MEI4: variants seen among roughly 807,000 people sequenced by gnomAD.
The protein encoded by MEI4 is meiotic double-stranded break formation protein 4, also known as meiosis-specific protein MEI4.
Under a neutral mutation model 31.4 loss-of-function variants are expected in MEI4, and 27 were observed. The observed-to-expected ratio is 0.86, with a 90% CI of 0.63 to 1.19. MEI4 has a LOEUF of 1.19. Among genes scored for constraint, MEI4 ranks in the 50% most tolerant of loss-of-function variants. MEI4 has a pLI of 0.00. For missense variants in MEI4, 329 were observed against 398.9 expected, an observed-to-expected ratio of 0.82 and a Z score of 1.49; for synonymous variants, 122 against 145.4, an observed-to-expected ratio of 0.84 and a Z score of 1.16.
At chr6:77,740,548 T>C (rs537264518) in intron 2 of MEI4, among the ~76,000 whole-genome samples, 2 of 152,284 alleles carry the variant, frequency 1.3e-5, no homozygotes, top group African/African-American at 4.8e-5. Flanking sequence ...TATCACAATA[T>C]GAATTATGAA....
intron 1 of MEI4, among the ~76,000 whole-genome samples, chr6:77,688,942 G>A (rs1265741268): frequency 6.6e-6 from 1 of 152,052 alleles, no homozygotes; most frequent in African/African-American, 2.4e-5. Context: ...GCTAAAATAA[G>A]TGGAGCTATA....
intron 4 of MEI4, among the ~76,000 whole-genome samples, chr6:77,894,748 A>G (rs1766044587): frequency 6.6e-6 from 1 of 152,190 alleles, no homozygotes; most frequent in South Asian, 2.1e-4. Context: ...GCTCCTAAAA[A>G]GTATACCTGC....
intron 4 of MEI4, among the ~76,000 whole-genome samples, chr6:77,876,100 T>C (rs890442885): frequency 2.0e-5 from 3 of 152,200 alleles, no homozygotes; most frequent in Non-Finnish European, 4.4e-5. Flanking sequence ...ATGACCCAGG[T>C]CAGCTTCACT....
At chr6:77,730,414 G>T (rs1163905635) in intron 2 of MEI4, among the ~76,000 whole-genome samples, 1 of 151,900 alleles carries the variant, frequency 6.6e-6, no homozygotes, top group Non-Finnish European at 1.5e-5. Context: ...CTTCCTGTTT[G>T]TTAGGAAACG....
rs759364582 is a variant in MEI4, at chr6:77,761,258, T to A, written c.361T>A (p.Phe121Ile). Residue 121 changes from phenylalanine (F) to isoleucine (I), a missense_variant, in exon 3 of 5, where the codon TTT becomes ATT. By Grantham distance (21) the Phe-to-Ile change is conservative (BLOSUM62 0). Coordinates refer to ENST00000684080, the MANE Select transcript of MEI4 (RefSeq NM_001322247.2). ...RTESSDLSQH[F>I]VESCTPTHFP... ...TGAATCCTCAGACCTGTCCCAGCAC[T>A]TTGTGGAAAGCTGTACCCCCACTCA... 3.2e-6 allele frequency: 4 copies of A among 1,232,648 alleles called. No individual in the cohort carries two copies. The highest frequency in any genetic ancestry group is 3.0e-6 in the Non-Finnish European group (3 of 988,052). 76.4% of individuals were successfully genotyped at this position (1,232,648 alleles called of 1,614,324 possible).
rs142669974 is a variant in MEI4 at position 77,792,681 on chromosome 6, T to C, written c.768+31016T>C. Among the ~76,000 whole-genome samples, 896 of 152,226 alleles carry C rather than the reference T, an allele frequency of 5.9e-3. 5 individuals are homozygous for C. Among genetic ancestry groups the C allele is most frequent in the Middle Eastern group, 0.014 (4 of 294 alleles). On this transcript the variant is annotated intron_variant, in intron 3 of 4. Coordinates refer to ENST00000684080, the MANE Select transcript of MEI4 (RefSeq NM_001322247.2). ...GATGTGAGATAAGGATCTAATTTTA[T>C]TGTTTTGCATGTGGATATCCAGTTT...
At chr6:77,824,140 A>G (rs184698234) in intron 3 of MEI4, among the ~76,000 whole-genome samples, 1 of 152,206 alleles carries the variant, frequency 6.6e-6, no homozygotes, top group East Asian at 1.9e-4. Context: ...CACAGGCTGG[A>G]GTGAAGTGGA....
chr6:77,804,642 C>T (rs998969317), intron 3 of MEI4, among the ~76,000 whole-genome samples: 1 of 152,262 alleles, frequency 6.6e-6, no homozygotes, highest in Non-Finnish European at 1.5e-5. Flanking sequence ...ATTAGTAGTT[C>T]ACATCCCTTT....
At chr6:77,869,079 T>C (rs1179205901) in intron 4 of MEI4, among the ~76,000 whole-genome samples, 1 of 152,146 alleles carries the variant, frequency 6.6e-6, no homozygotes, top group African/African-American at 2.4e-5. Flanking sequence ...ACATCAGCTC[T>C]GTGCCAGAGA....
chr6:77,688,691 A>G (rs1357147320), intron 1 of MEI4, among the ~76,000 whole-genome samples: 1 of 152,086 alleles, frequency 6.6e-6, no homozygotes, highest in Non-Finnish European at 1.5e-5. Context: ...CTGGAATCCC[A>G]CTGTTTATAA....
intron 1 of MEI4, among the ~76,000 whole-genome samples, chr6:77,665,596 G>A (rs1000584362): frequency 3.9e-5 from 6 of 152,170 alleles, no homozygotes; most frequent in African/African-American, 7.2e-5. Context: ...GTGTCCCTGC[G>A]TGGTCTGACA....
At position 77,922,748 on chromosome 6, in the gene MEI4, A is replaced by C. The variant is rs530059444; in HGVS notation, c.901-341A>C. ...GTACCATGAATTCAAAAGTTTTGGCAAAAGATTGAATTTAACACTGGTATG... is the reference window on the plus strand; with the variant it reads ...GTACCATGAATTCAAAAGTTTTGGCCAAAGATTGAATTTAACACTGGTATG... On this transcript the variant is annotated intron_variant, in intron 4 of 4. Coordinates refer to ENST00000684080, the MANE Select transcript of MEI4 (RefSeq NM_001322247.2). Among the ~76,000 whole-genome samples, 3 of 151,816 alleles carry C rather than the reference A, an allele frequency of 2.0e-5. No homozygotes were observed. In the Admixed American group the frequency reaches 2.0e-4, roughly 10 times the overall value.
At chr6:77,680,457 A>G (rs1768936406) in intron 1 of MEI4, among the ~76,000 whole-genome samples, 1 of 152,042 alleles carries the variant, frequency 6.6e-6, no homozygotes. Flanking sequence ...CTCTGATTTC[A>G]GGGGATACTT....
chr6:77,713,409 G>A (rs1561955046), intron 2 of MEI4, among the ~76,000 whole-genome samples: 1 of 113,900 alleles, frequency 8.8e-6, no homozygotes, highest in Non-Finnish European at 2.1e-5. Context: ...GAATTTTATT[G>A]TTTAATTCTG....
At chr6:77,686,603 G>T (rs1186682444) in intron 1 of MEI4, among the ~76,000 whole-genome samples, 1 of 152,016 alleles carries the variant, frequency 6.6e-6, no homozygotes, top group Non-Finnish European at 1.5e-5. Flanking sequence ...TGAGTTATAT[G>T]ATATATCACA....
At chr6:77,795,910 G>A (rs930581944) in intron 3 of MEI4, among the ~76,000 whole-genome samples, 1 of 152,108 alleles carries the variant, frequency 6.6e-6, no homozygotes, top group Non-Finnish European at 1.5e-5. Context: ...ATTTTATGAG[G>A]ACAGCGTTAC....
chr6:77,868,516 T>TAC (rs1554170584), intron 4 of MEI4, among the ~76,000 whole-genome samples: 1 of 133,786 alleles, frequency 7.5e-6, no homozygotes, highest in African/African-American at 2.8e-5. Context: ...TATATATATA[T>TAC]ATATATATAT....
chr6:77,811,317 C>T (rs1358835389), intron 3 of MEI4, among the ~76,000 whole-genome samples: 2 of 152,050 alleles, frequency 1.3e-5, no homozygotes, highest in Non-Finnish European at 2.9e-5. Flanking sequence ...TAAGGTGATT[C>T]TGAGGATAGA....
In MEI4 at chr6:77,820,846, C is replaced by G. The variant is rs1432068541; in HGVS notation, c.769-8085C>G. On this transcript the variant is annotated intron_variant, in intron 3 of 4. Coordinates refer to ENST00000684080, the MANE Select transcript of MEI4 (RefSeq NM_001322247.2). The surrounding 1 kb of genome is among the most constrained non-coding windows in gnomAD (Gnocchi z 4.5). The stretch of plus-strand genomic sequence containing the variant: ...TGTGAATTCTTGTTGTTTCTTAGGC[C>G]TAAAAAACTTTCTTCCATTATTTTT... Among the ~76,000 whole-genome samples, 1 of 151,870 alleles carries G rather than the reference C, an allele frequency of 6.6e-6. No homozygotes were observed. Among genetic ancestry groups the G allele is most frequent in the Non-Finnish European group, 1.5e-5 (1 of 68,008 alleles).
Sources: allele counts gnomAD v4.1 joint callset (sites outside exome capture counted in the v4.1 genomes callset), GRCh38; gene constraint gnomAD v4.1.1; non-coding constraint Gnocchi (gnomAD v3.1); transcripts MANE v1.5; gene names NCBI Gene and HGNC (gene_info 2026-07-23, HGNC 2026-07-21).